Variants in GPRC5D observed in about 807,000 individuals in gnomAD.
The protein encoded by GPRC5D is G protein-coupled receptor class C group 5 member D.
GPRC5D carries 20 observed loss-of-function variants against 29.3 expected under a neutral mutation model. The observed-to-expected ratio is 0.68, with a 90% CI of 0.48 to 0.99. GPRC5D has a LOEUF of 0.99. GPRC5D is among the 50% of genes least tolerant of loss of function. The probability of loss-of-function intolerance (pLI) is 0.00; values close to 1 mark genes in which losing one functional copy is unlikely to be tolerated. For missense variants in GPRC5D, 384 were observed against 423.6 expected (o/e 0.91, Z 0.82); for synonymous variants, 178 against 171.3 (o/e 1.04, Z -0.30).
At chr12:12,944,850 C>CTTCCTTCCTTCTTTCT (rs1565477444) in intron 1 of GPRC5D, among the ~76,000 whole-genome samples, 17 of 34,460 alleles carry the variant, frequency 4.9e-4, no homozygotes, top group Non-Finnish European at 7.5e-4. Flanking sequence ...TCCTTCCTTC[C>CTTCCTTCCTTCTTTCT]TTCTTTCTTT....
downstream of GPRC5D, chr12:12,940,702 C>T (rs952540350): frequency 6.0e-6 from 5 of 835,530 alleles, no homozygotes; most frequent in South Asian, 1.4e-5. Context: ...ACTCTGTGGG[C>T]CCCCGTGGGC....
intron 1 of GPRC5D, among the ~76,000 whole-genome samples, chr12:12,944,761 CTTCCTTCCTTT>C (rs1863233177): frequency 7.6e-5 from 3 of 39,340 alleles, no homozygotes; most frequent in Non-Finnish European, 2.7e-4. Flanking sequence ...TCCTTCCTTT[CTTCCTTCCTTT>C]CTTCCTTCCT....
At position 12,944,837 on chromosome 12, in the gene GPRC5D, C is replaced by T. The variant is rs1337733421; in HGVS notation, c.896-2509G>A. Among the ~76,000 whole-genome samples, 121 of 20,506 alleles carry T rather than the reference C, an allele frequency of 5.9e-3. 6 individuals carry two copies. Among genetic ancestry groups the T allele is most frequent in the African/African-American group, 0.011 (110 of 9,852 alleles). 13.5% of individuals were successfully genotyped at this position (20,506 alleles called of 152,430 possible). Reference sequence around the variant, plus strand: ...TCCTTCCTTCCTTCCTTCCTTCCTTCCTTCCTTCCTTCCTTCTTTCTTTCT... The same window carrying T: ...TCCTTCCTTCCTTCCTTCCTTCCTTTCTTCCTTCCTTCCTTCTTTCTTTCT... On this transcript the variant is annotated intron_variant, in intron 1 of 2. Transcript: ENST00000228887.
chr12:12,946,508 G>C (rs771967550), intron 1 of GPRC5D, among the ~76,000 whole-genome samples: 1 of 150,840 alleles, frequency 6.6e-6, no homozygotes, highest in Non-Finnish European at 1.5e-5. Flanking sequence ...AGGCTGGAGA[G>C]CATTGGTGTG....
intron 1 of GPRC5D, among the ~76,000 whole-genome samples, chr12:12,943,076 T>G (rs1488631886): frequency 6.6e-6 from 1 of 152,178 alleles, no homozygotes; most frequent in East Asian, 1.9e-4. Context: ...GGATTATAGG[T>G]CTGAGCCACC....
At chr12:12,944,832 TCCTTCCTTCCTTCCTTCC>T (rs1863248796) in intron 1 of GPRC5D, among the ~76,000 whole-genome samples, 10 of 28,706 alleles carry the variant, frequency 3.5e-4, no homozygotes, top group African/African-American at 7.5e-4. Context: ...CTTCCTTCCT[TCCTTCCTTCCTTCCTTCC>T]TTCTTTCTTT....
At chr12:12,944,971 T>C (rs1210265189) in intron 1 of GPRC5D, among the ~76,000 whole-genome samples, 68 of 111,366 alleles carry the variant, frequency 6.1e-4, no homozygotes, top group Non-Finnish European at 1.1e-3. Context: ...TTCTTTCCTT[T>C]TCTTTTTCTC....
chr12:12,945,192 AC>A (rs1863283933), intron 1 of GPRC5D, among the ~76,000 whole-genome samples: 1 of 151,748 alleles, frequency 6.6e-6, no homozygotes, highest in Admixed American at 6.6e-5. Flanking sequence ...TTTAGTAGAG[AC>A]AGCATTTCAC....
intron 1 of GPRC5D, chr12:12,948,257 T>C (rs1224116358): frequency 6.6e-6 from 1 of 152,268 alleles, no homozygotes; most frequent in Non-Finnish European, 1.5e-5. Context: ...TCAGGAAAGA[T>C]TGACTCTGCA....
chr12:12,943,881 T>G (rs1592370673), intron 1 of GPRC5D, among the ~76,000 whole-genome samples: 1 of 152,218 alleles, frequency 6.6e-6, no homozygotes, highest in East Asian at 1.9e-4. Flanking sequence ...TTTTTTATAC[T>G]AAACCTGCAC....
Position 12,940,796 on chromosome 12 carries a change from C to T in GPRC5D, c.1017G>A (p.Gln339=), listed in dbSNP as rs749790655. Residue 339 remains glutamine (Q), a synonymous_variant, in exon 3 of 3, where the codon CAG becomes CAA. Coordinates refer to ENST00000228887, the Ensembl canonical transcript of GPRC5D. Reference sequence around the variant, plus strand: ...AGATTTATACTCCTCCTGCATCTTGCTGGGGGCTTAGTTTAGCCTGTGGGA... The same window carrying T: ...AGATTTATACTCCTCCTGCATCTTGTTGGGGGCTTAGTTTAGCCTGTGGGA... 2.5e-6 allele frequency: 4 copies of T among 1,606,740 alleles called. No individual in the cohort carries two copies. In the East Asian group the frequency reaches 8.9e-5, roughly 36 times the overall value.
At chr12:12,948,217 A>G (rs1009941460) in intron 1 of GPRC5D, 5 of 152,206 alleles carry the variant, frequency 3.3e-5, no homozygotes, top group African/African-American at 1.2e-4. Flanking sequence ...AAAAAGTTTT[A>G]TCTTCTAGTA....
At chr12:12,942,349 G>T (rs758953290) in intron 1 of GPRC5D, 21 bp from the exon 3 acceptor site, 1 of 1,576,720 alleles carries the variant, frequency 6.3e-7, no homozygotes, top group South Asian at 1.1e-5. Context: ...AAGGAGGGAA[G>T]GGCTGGGTTA....
At chr12:12,944,804 TC>T (rs1863240171) in intron 1 of GPRC5D, among the ~76,000 whole-genome samples, 1 of 7,556 alleles carries the variant, frequency 1.3e-4, no homozygotes, top group African/African-American at 2.2e-4. Flanking sequence ...TTCCTTCCCT[TC>T]CTTCCTTCCT....
chr12:12,942,463 G>A (rs746191142), intron 1 of GPRC5D, 135 bp from the exon 3 acceptor site: 47 of 636,984 alleles, frequency 7.4e-5, no homozygotes, highest in Admixed American at 1.1e-4. Flanking sequence ...GGCTGGGCAC[G>A]GTGGCTCACG....
chr12:12,946,303 C>T (rs1011031196), intron 1 of GPRC5D, among the ~76,000 whole-genome samples: 460 of 35,808 alleles, frequency 0.013, 1 homozygote, highest in African/African-American at 0.024. Context: ...TTCCTTCCTT[C>T]CTTCCTTTTC....
intron 1 of GPRC5D, chr12:12,948,122 T>G (rs561934247): frequency 6.6e-5 from 10 of 152,314 alleles, no homozygotes; most frequent in East Asian, 5.8e-4. Flanking sequence ...AAGCTCAGTG[T>G]ATTTTGGTTT....
At chr12:12,949,746 G>A (rs1267262209) in exon 1 of GPRC5D, 1 of 1,614,104 alleles carries the variant, frequency 6.2e-7, no homozygotes, top group Non-Finnish European at 8.5e-7. Context: ...AGATGATGAT[G>A]GAGAAGAGCA....
chr12:12,945,211 G>A (rs1863284751), intron 1 of GPRC5D, among the ~76,000 whole-genome samples: 1 of 151,832 alleles, frequency 6.6e-6, no homozygotes, highest in Admixed American at 6.6e-5. Flanking sequence ...CACCATGTTG[G>A]CCAGGCCGAT....
Sources: gnomAD v4.1 joint callset for allele counts (sites outside exome capture counted in the v4.1 genomes callset) on GRCh38, gnomAD v4.1.1 for gene constraint, MANE v1.5 for transcripts, NCBI Gene and HGNC (gene_info 2026-07-23, HGNC 2026-07-21) for gene names.